The following SOAT1 variants were observed in gnomAD, a reference collection of about 807,000 sequenced individuals.
SOAT1 encodes acyl-coenzyme A:cholesterol acyltransferase 1.
Under a neutral mutation model 69.5 loss-of-function variants are expected in SOAT1, and 55 were observed. The ratio of observed to expected loss-of-function variants is 0.79; its 90% CI spans 0.64 to 0.99. The LOEUF (loss-of-function observed/expected upper bound fraction) is 0.99, where lower values mean the gene tolerates loss of function less well. Ranked by LOEUF, SOAT1 falls within the 50% of genes least tolerant of loss-of-function variation. SOAT1 has a pLI of 0.00. For missense variants in SOAT1, 580 were observed against 669.3 expected, an observed-to-expected ratio of 0.87 and a Z score of 1.47; for synonymous variants, 231 against 224.7, an observed-to-expected ratio of 1.03 and a Z score of -0.25.
chr1:179,295,644 A>G (rs1051622409), intron 1 of SOAT1, among the ~76,000 whole-genome samples: 5 of 152,224 alleles, frequency 3.3e-5, no homozygotes, highest in African/African-American at 1.2e-4. Flanking sequence ...ACAATAAGAC[A>G]TTTCGAGAGA....
intron 3 of SOAT1, among the ~76,000 whole-genome samples, chr1:179,326,123 A>G (rs1271141588): frequency 1.3e-5 from 2 of 152,304 alleles, no homozygotes; most frequent in East Asian, 1.9e-4. Flanking sequence ...CTTGATGGAC[A>G]TCTGTGTCTC....
intron 4 of SOAT1, among the ~76,000 whole-genome samples, chr1:179,336,899 G>A (rs971316993): frequency 5.9e-5 from 9 of 151,942 alleles, no homozygotes; most frequent in African/African-American, 2.2e-4. Context: ...GGAGGCTGAG[G>A]CAGGAGAATC....
chr1:179,321,851 CT>C (rs1276323387), intron 2 of SOAT1, among the ~76,000 whole-genome samples: 2 of 150,998 alleles, frequency 1.3e-5, no homozygotes, highest in Non-Finnish European at 3.0e-5. Flanking sequence ...TAAATGGTTT[CT>C]TGTTACTTGC....
intron 2 of SOAT1, among the ~76,000 whole-genome samples, chr1:179,313,147 T>C (rs911954428): frequency 3.3e-5 from 5 of 152,242 alleles, no homozygotes; most frequent in African/African-American, 1.2e-4. Flanking sequence ...AACTTGGCCA[T>C]CTAGAACAAA....
intron 1 of SOAT1, among the ~76,000 whole-genome samples, chr1:179,299,421 T>C (rs1399555973): frequency 6.6e-6 from 1 of 152,172 alleles, no homozygotes; most frequent in Non-Finnish European, 1.5e-5. Flanking sequence ...ACTGTTGGTA[T>C]TAATTCTATT....
intron 2 of SOAT1, among the ~76,000 whole-genome samples, chr1:179,316,502 T>A (rs1010023459): frequency 6.6e-6 from 1 of 152,228 alleles, no homozygotes; most frequent in East Asian, 1.9e-4. Context: ...GTTCAAGCGA[T>A]ACTCCTGCCT....
chr1:179,345,175 A>G (rs1666485645), intron 11 of SOAT1, 99 bp downstream of exon 11: 4 of 1,166,638 alleles, frequency 3.4e-6, no homozygotes. Context: ...TTTTTCATCT[A>G]AACTTCTATA....
At chr1:179,336,343 G>A (rs1247015328) in intron 4 of SOAT1, among the ~76,000 whole-genome samples, 1 of 150,816 alleles carries the variant, frequency 6.6e-6, no homozygotes, top group Non-Finnish European at 1.5e-5. Flanking sequence ...CACGCCTGTC[G>A]TCCGCCTGTC....
chr1:179,323,638 T>A (rs1019897272), intron 3 of SOAT1, 143 bp downstream of exon 3: 11 of 696,494 alleles, frequency 1.6e-5, no homozygotes, highest in Non-Finnish European at 2.4e-5. Context: ...GAAAATAAGA[T>A]CTGCTGACTT....
At position 179,357,654 on chromosome 1, in the gene SOAT1, G is replaced by C. The variant is rs1666950281; in HGVS notation, c.*4013G>C. ...CATGCCTTTAATCCCAGTACTTTGG[G>C]AGGCCAAGGCAGGAGGATTGCTTGA... On this transcript the variant is annotated 3_prime_UTR_variant, in exon 16 of 16. Coordinates refer to ENST00000367619, the MANE Select transcript of SOAT1 (RefSeq NM_003101.6). The C allele has an allele frequency of 6.6e-6, 1 of 152,272 alleles. No individual in the cohort carries two copies. The highest frequency in any genetic ancestry group is 2.1e-4 in the South Asian group (1 of 4,832). 9.4% of individuals were successfully genotyped at this position (152,272 alleles called of 1,614,324 possible). A position where few individuals can be genotyped will look rare whatever the true frequency, so the allele number is the denominator to read the frequency against.
intron 2 of SOAT1, among the ~76,000 whole-genome samples, chr1:179,306,282 G>A (rs1665000861): frequency 6.6e-6 from 1 of 152,166 alleles, no homozygotes; most frequent in Non-Finnish European, 1.5e-5. Context: ...GGCCCTTGCT[G>A]GGGACCCTCC....
At chr1:179,316,171 C>T (rs1190399479) in intron 2 of SOAT1, among the ~76,000 whole-genome samples, 3 of 152,148 alleles carry the variant, frequency 2.0e-5, no homozygotes, top group African/African-American at 7.2e-5. Context: ...TTAGTTTCCT[C>T]AAAGCCCTTG....
At chr1:179,312,692 GTGTA>G (rs916362622) in intron 2 of SOAT1, among the ~76,000 whole-genome samples, 1 of 152,192 alleles carries the variant, frequency 6.6e-6, no homozygotes, top group Non-Finnish European at 1.5e-5. Context: ...AGTAAGGTGG[GTGTA>G]TTTATAACTA....
chr1:179,297,706 C>G (rs898481946), intron 1 of SOAT1, among the ~76,000 whole-genome samples: 12 of 148,048 alleles, frequency 8.1e-5, no homozygotes, highest in Non-Finnish European at 1.5e-4. Flanking sequence ...TGCACTTCAA[C>G]CTGGGCGACA....
chr1:179,301,338 T>TA (rs1664824882), intron 1 of SOAT1, among the ~76,000 whole-genome samples: 1 of 152,336 alleles, frequency 6.6e-6, no homozygotes, highest in African/African-American at 2.4e-5. Flanking sequence ...CTGAAAAACT[T>TA]CTAATTTCTT....
chr1:179,322,059 T>C (rs538922111), intron 2 of SOAT1, among the ~76,000 whole-genome samples: 1 of 151,872 alleles, frequency 6.6e-6, no homozygotes, highest in South Asian at 2.1e-4. Flanking sequence ...TTTTAAAACT[T>C]TTTTTTGTAG....
At chr1:179,322,315 G>A (rs1665630990) in intron 2 of SOAT1, among the ~76,000 whole-genome samples, 1 of 151,892 alleles carries the variant, frequency 6.6e-6, no homozygotes, top group Non-Finnish European at 1.5e-5. Context: ...TTTTGTTTCT[G>A]CTGTTTCCCA....
At position 179,353,862 on chromosome 1, in the gene SOAT1, T is replaced by TG. The variant is rs1022474048; in HGVS notation, c.*227dup. On this transcript the variant is annotated 3_prime_UTR_variant, in exon 16 of 16. Coordinates refer to ENST00000367619, the MANE Select transcript of SOAT1 (RefSeq NM_003101.6). ...GCAGAACTTTTTTTGTGGGGCTGGG[T>TG]GGGGGGAGAAGACCGACTAACAGCT... 1 of 521,312 alleles carries TG rather than the reference T, an allele frequency of 1.9e-6. No homozygotes were observed. The allele number at this position is 521,312 out of a possible 1,614,324, so 32.3% of individuals were successfully genotyped here.
At chr1:179,306,153 T>C (rs1020359049) in intron 2 of SOAT1, among the ~76,000 whole-genome samples, 3 of 152,108 alleles carry the variant, frequency 2.0e-5, no homozygotes, top group Non-Finnish European at 2.9e-5. Flanking sequence ...GATGGATTTG[T>C]GGTTGGTTTT....
Sources: gnomAD v4.1 joint callset for allele counts (sites outside exome capture counted in the v4.1 genomes callset) on GRCh38, gnomAD v4.1.1 for gene constraint, MANE v1.5 for transcripts, NCBI Gene and HGNC (gene_info 2026-07-23, HGNC 2026-07-21) for gene names.